Variants in GID4 observed in about 807,000 individuals in gnomAD.
GID4 encodes the protein GID complex subunit 4 homolog, also known as glucose-induced degradation protein 4 homolog.
In GID4, 7 loss-of-function variants were observed where a neutral mutation model predicts 32.4. That is an observed-to-expected ratio of 0.22 (90% CI 0.12 to 0.41). GID4 has a LOEUF of 0.41. Among genes scored for constraint, GID4 ranks in the 10% least tolerant of loss-of-function variants. The probability of loss-of-function intolerance (pLI) is 1.00; values close to 1 mark genes in which losing one functional copy is unlikely to be tolerated. For missense variants in GID4, 309 were observed against 400.0 expected (o/e 0.77, Z 1.94); for synonymous variants, 166 against 170.0 (o/e 0.98, Z 0.18).
rs1445183315 is a variant in GID4, at chr17:18,039,639, A to C, written c.175A>C (p.Thr59Pro). 13 of 878,456 alleles carry C rather than the reference A, an allele frequency of 1.5e-5. No homozygotes were observed. The African/African-American group carries it at 4.3e-4, about 29-fold the overall frequency. The allele number at this position is 878,456 out of a possible 1,614,324, so 54.4% of individuals were successfully genotyped here. A position where few individuals can be genotyped will look rare whatever the true frequency, so the allele number is the denominator to read the frequency against. ...GCGCCCCGGCCTCTCCCTCCCCGCC[A>C]CCCTCCTCGGCTCCCGCGCGGCGGC... ...RARPGLSLPA[T>P]LLGSRAAAAV... The change falls in exon 1 of 6, where the codon ACC becomes CCC. Residue 59 changes from threonine (T) to proline (P), a missense_variant. Thr to Pro is a conservative substitution (Grantham distance 38, BLOSUM62 -1). Around this residue, in one of 2 missense-constraint regions of GID4, gnomAD observed 193 missense variants for 185.8 expected, o/e 1.04. Coordinates refer to ENST00000268719, the MANE Select transcript of GID4 (RefSeq NM_024052.5). The surrounding 1 kb of genome is among the most constrained non-coding windows in gnomAD (Gnocchi z 5.3).
rs1411171337 is a variant in GID4, at chr17:18,039,750, G to T, written c.286G>T (p.Ala96Ser). 6.4e-7 allele frequency: 1 copy of T among 1,553,760 alleles called. No homozygotes were observed. Among genetic ancestry groups the T allele is most frequent in the Admixed American group, 1.9e-5 (1 of 52,698 alleles). ...VRTECPPPAGASAASAASLIP... is the reference protein window; with the variant it reads ...VRTECPPPAGSSAASAASLIP... ...CACCGAGTGTCCCCCGCCGGCCGGT[G>T]CCTCCGCTGCCTCCGCGGCCTCACT... Residue 96 changes from alanine to serine, a missense_variant, in exon 1 of 6, where the codon GCC (alanine) becomes TCC (serine). This residue lies in a region of GID4 where 193 missense variants were observed against 185.8 expected (regional missense o/e 1.04). Transcript: ENST00000268719. This position sits in a 1 kb window ranked among gnomAD's most constrained non-coding sequence, Gnocchi z 5.3.
chr17:18,056,593 C>T, intron 3 of GID4: 2 of 1,068,482 alleles, frequency 1.9e-6, no homozygotes, highest in Non-Finnish European at 2.7e-6. Context: ...CATATTGGTC[C>T]TGCAAAAAGC....
intron 4 of GID4, among the ~76,000 whole-genome samples, chr17:18,060,084 C>CAAA (rs35399188): frequency 3.3e-4 from 20 of 60,458 alleles, no homozygotes; most frequent in African/African-American, 6.2e-4. Context: ...GACTCCATCT[C>CAAA]AAAAAAAAAA....
intron 2 of GID4, among the ~76,000 whole-genome samples, chr17:18,049,498 CTT>C (rs1397356489): frequency 6.6e-6 from 1 of 151,948 alleles, no homozygotes; most frequent in Non-Finnish European, 1.5e-5. Flanking sequence ...TATAGATAAA[CTT>C]ATGTCACGGT....
chr17:18,067,620 TTCTC>T lies in GID4; in HGVS notation c.*2380_*2383del, dbSNP rs1394267073. On this transcript the variant is annotated 3_prime_UTR_variant, in exon 6 of 6. Coordinates refer to ENST00000268719, the MANE Select transcript of GID4 (RefSeq NM_024052.5). ...TCCTGAATTACCAACATCAACTTCTTTCTCTCCGTTCCTGAAGGAACTTTGGGGA... is the reference window on the plus strand; with the variant it reads ...TCCTGAATTACCAACATCAACTTCTTTCCGTTCCTGAAGGAACTTTGGGGA... 4 of 152,766 alleles carry T rather than the reference TTCTC, an allele frequency of 2.6e-5. No individual in the cohort carries two copies. The highest frequency in any genetic ancestry group is 4.1e-4 in the South Asian group (2 of 4,824). The allele number at this position is 152,766 out of a possible 1,614,324, so 9.5% of individuals were successfully genotyped here.
At chr17:18,048,510 A>G (rs893699128) in intron 2 of GID4, among the ~76,000 whole-genome samples, 2 of 152,320 alleles carry the variant, frequency 1.3e-5, no homozygotes, top group East Asian at 3.9e-4. Context: ...TTTTAAAATT[A>G]TAAGTCTAGT....
At chr17:18,060,840 TCTC>T (rs1461847173) in intron 4 of GID4, among the ~76,000 whole-genome samples, 1 of 152,144 alleles carries the variant, frequency 6.6e-6, no homozygotes, top group Non-Finnish European at 1.5e-5. Flanking sequence ...TTCAAGCAAT[TCTC>T]CTGCCTCAGC....
intron 2 of GID4, among the ~76,000 whole-genome samples, chr17:18,050,261 C>T (rs563165864): frequency 2.0e-5 from 3 of 152,208 alleles, no homozygotes; most frequent in East Asian, 1.9e-4. Context: ...ATTGCTGGGT[C>T]GAATGATAGT....
In GID4 at chr17:18,066,326, G is replaced by A. The variant is rs909284865; in HGVS notation, c.*1083G>A. The A allele has an allele frequency of 6.6e-6, 1 of 152,530 alleles. No homozygotes were observed. Among genetic ancestry groups the A allele is most frequent in the South Asian group, 2.1e-4 (1 of 4,828 alleles). The allele number at this position is 152,530 out of a possible 1,614,324, so 9.4% of individuals were successfully genotyped here. A position where few individuals can be genotyped will look rare whatever the true frequency, so the allele number is the denominator to read the frequency against. ...TTTGCTACTCAAAACAGCAATGCTT[G>A]GCGGCAGCCTTCCATGAGGCAGAAG... On this transcript the variant is annotated 3_prime_UTR_variant, in exon 6 of 6. Transcript: ENST00000268719.
At chr17:18,049,792 AT>A (rs370099972) in intron 2 of GID4, among the ~76,000 whole-genome samples, 1 of 151,364 alleles carries the variant, frequency 6.6e-6, no homozygotes, top group African/African-American at 2.4e-5. Context: ...ACCAGGCTAA[AT>A]TTTTTTTTGT....
chr17:18,056,798 A>AT, intron 3 of GID4: 1 of 1,550,650 alleles, frequency 6.4e-7, no homozygotes, highest in Non-Finnish European at 8.7e-7. Context: ...TGGTACTGGC[A>AT]TGTGAGGTGT....
Position 18,058,850 on chromosome 17 carries a change from T to A in GID4, c.607-18T>A, listed in dbSNP as rs776143218. 4.0e-6 allele frequency: 6 copies of A among 1,503,044 alleles called. No homozygotes were observed. Among genetic ancestry groups the A allele is most frequent in the Admixed American group, 3.3e-5 (2 of 59,842 alleles). The allele number at this position is 1,503,044 out of a possible 1,614,324, so 93.1% of individuals were successfully genotyped here. On this transcript the variant is annotated intron_variant, in intron 3 of 5. Coordinates refer to ENST00000268719, the MANE Select transcript of GID4 (RefSeq NM_024052.5). ...TCCTTCTCTCAGTCAATCGGCACAC[T>A]CTCTTTTCTGCTTTCAGGGCAAGTT...
At chr17:18,064,223 C>A (rs1243500610) in intron 5 of GID4, among the ~76,000 whole-genome samples, 1 of 152,094 alleles carries the variant, frequency 6.6e-6, no homozygotes, top group African/African-American at 2.4e-5. Flanking sequence ...CTATATTTAA[C>A]TTTATGAGGA....
intron 2 of GID4, among the ~76,000 whole-genome samples, chr17:18,049,487 C>T (rs1019376753): frequency 1.3e-5 from 2 of 151,888 alleles, no homozygotes; most frequent in African/African-American, 4.8e-5. Context: ...CAGGTTTGAT[C>T]TATAGATAAA....
rs575577508 is a variant in GID4 at position 18,061,751 on chromosome 17, G to A, written c.709-94G>A. 1.2e-5 allele frequency: 14 copies of A among 1,210,536 alleles called. No individual in the cohort carries two copies. The highest frequency in any genetic ancestry group is 9.4e-5 in the East Asian group (4 of 42,780). The allele number at this position is 1,210,536 out of a possible 1,614,324, so 75.0% of individuals were successfully genotyped here. ...GACTATGAGATCCTATATTTTTCTC[G>A]AGTGGTCCTTAGAACCCCCTGATGC... On this transcript the variant is annotated intron_variant, in intron 4 of 5. Transcript: ENST00000268719. This position sits in a 1 kb window ranked among gnomAD's most constrained non-coding sequence, Gnocchi z 4.4.
chr17:18,058,041 GC>G (rs2044985737), intron 3 of GID4, among the ~76,000 whole-genome samples: 1 of 152,132 alleles, frequency 6.6e-6, no homozygotes, highest in Non-Finnish European at 1.5e-5. Flanking sequence ...CATCGTGTTA[GC>G]CAGGATGGTC....
At chr17:18,057,877 A>C (rs1369730216) in intron 3 of GID4, among the ~76,000 whole-genome samples, 1 of 151,520 alleles carries the variant, frequency 6.6e-6, no homozygotes, top group African/African-American at 2.4e-5. Context: ...TCTGTTGCCC[A>C]TGCTGGAGTG....
chr17:18,059,596 T>C (rs1336910528), intron 4 of GID4, among the ~76,000 whole-genome samples: 1 of 152,158 alleles, frequency 6.6e-6, no homozygotes, highest in Non-Finnish European at 1.5e-5. Flanking sequence ...CCTGCTTTGA[T>C]AACGTGATAT....
At chr17:18,048,159 C>T (rs1252467606) in intron 2 of GID4, among the ~76,000 whole-genome samples, 2 of 151,674 alleles carry the variant, frequency 1.3e-5, no homozygotes, top group African/African-American at 4.8e-5. Flanking sequence ...TCTCGGCCTC[C>T]CATAGCGCTG....
Sources: gnomAD v4.1 joint callset for allele counts (sites outside exome capture counted in the v4.1 genomes callset) on GRCh38, gnomAD v4.1.1 for gene constraint, gnomAD v4.1.1 regional missense constraint, Gnocchi (gnomAD v3.1) non-coding constraint, MANE v1.5 for transcripts, NCBI Gene and HGNC (gene_info 2026-07-23, HGNC 2026-07-21) for gene names.